TCHH: variants seen among roughly 807,000 people sequenced by gnomAD.
TCHH encodes the protein trichohyalin.
Under a neutral mutation model 6.3 loss-of-function variants are expected in TCHH, and 6 were observed. That is an observed-to-expected ratio of 0.95 (90% CI 0.52 to 1.88). TCHH has a LOEUF of 1.88. Ranked by LOEUF, TCHH falls within the 40% of genes most tolerant of loss-of-function variation. The probability of loss-of-function intolerance (pLI) is 0.01; values close to 1 mark genes in which losing one functional copy is unlikely to be tolerated. For synonymous variants in TCHH, 1,087 were observed against 963.6 expected (o/e 1.13, Z -2.37); for missense variants, 2,920 against 2,449.1 (o/e 1.19, Z -4.06).
chr1:152,107,153 T>G lies in TCHH; in HGVS notation c.*232A>C, dbSNP rs1557807058. On this transcript the variant is annotated 3_prime_UTR_variant, in exon 3 of 3. Transcript: ENST00000614923. ...TTTTTAAATGCACACCACATCTGCATCAAAGAGCAAAAGAAAGACATCTTG... is the reference window on the plus strand; with the variant it reads ...TTTTTAAATGCACACCACATCTGCAGCAAAGAGCAAAAGAAAGACATCTTG... 2.4e-6 allele frequency: 1 copy of G among 422,640 alleles called. No homozygotes were observed. Among genetic ancestry groups the G allele is most frequent in the Non-Finnish European group, 4.2e-6 (1 of 240,836 alleles). 26.2% of individuals were successfully genotyped at this position (422,640 alleles called of 1,614,324 possible).
chr1:152,110,534 G>A lies in TCHH; in HGVS notation c.2683C>T (p.Leu895=), dbSNP rs1327008299. Residue 895 remains leucine (L), a synonymous_variant, in exon 3 of 3, where the codon CTA becomes TTA. Coordinates refer to ENST00000614923, the MANE Select transcript of TCHH (RefSeq NM_007113.4). ...TGTTCCTTCCTCAGCTGCTCTTGTA[G>A]GGCTGGCTTGGCGTACAGCGTGTGG... is the stretch of plus-strand genomic sequence containing the variant. ...RRHTLYAKPA[L]QEQLRKEQQL... is the part of the protein sequence containing the mutation. 10 of 1,613,940 alleles carry A rather than the reference G, an allele frequency of 6.2e-6. No homozygotes were observed. Among genetic ancestry groups the A allele is most frequent in the African/African-American group, 5.3e-5 (4 of 74,876 alleles).
At position 152,112,720 on chromosome 1, in the gene TCHH, C is replaced by G. The variant is rs754037142; in HGVS notation, c.497G>C (p.Arg166Thr). The change falls in exon 3 of 3, where the codon AGG becomes ACG. Residue 166 changes from arginine to threonine, a missense_variant. Arg to Thr is a moderately conservative substitution (Grantham distance 71). Coordinates refer to ENST00000614923, the MANE Select transcript of TCHH (RefSeq NM_007113.4). ...EKQERLEQRD[R>T]QRRDEELWRQ... ...CCACAGCTCCTCGTCGCGGCGCTGC[C>G]TGTCGCGCTGTTCAAGTCGCTCTTG... 6.8e-6 allele frequency: 11 copies of G among 1,614,018 alleles called. No individual in the cohort carries two copies. The East Asian group carries it at 2.2e-4, about 33-fold the overall frequency.
rs536655370 is a variant in TCHH, at chr1:152,107,663, C to T, written c.5554G>A (p.Ala1852Thr). The change falls in exon 3 of 3, where the codon GCC becomes ACC. Residue 1852 changes from alanine (A) to threonine (T), a missense_variant. By Grantham distance (58) the Ala-to-Thr change is moderately conservative (BLOSUM62 0). Transcript: ENST00000614923. ...TCACGACGACTCTTCTCCTGCGTGG[C>T]AAACTGCTCCTCCGCCCGGTACTGC... The part of the protein sequence containing the change: ...DRQYRAEEQF[A>T]TQEKSRREEQ... The T allele has an allele frequency of 3.8e-5, 61 of 1,614,168 alleles. No homozygotes were observed. The East Asian group carries it at 1.1e-3, about 29-fold the overall frequency.
chr1:152,111,907 TTCTGCTCGTGCC>T lies in TCHH; in HGVS notation c.1298_1309del (p.Arg433_Gln436del), dbSNP rs771182487. The T allele has an allele frequency of 1.1e-5, 17 of 1,590,482 alleles. No individual in the cohort carries two copies. Among genetic ancestry groups the T allele is most frequent in the Non-Finnish European group, 6.0e-6 (7 of 1,173,076 alleles). On this transcript the variant is annotated inframe_deletion, in exon 3 of 3. Transcript: ENST00000614923. ...CTGCTCGCGCCTCTCCTGCTCGTGCTTCTGCTCGTGCCTCTCCTCCTCCTGCTCGCGCCTCAG... is the reference window on the plus strand; with the variant it reads ...CTGCTCGCGCCTCTCCTGCTCGTGCTTCTCCTCCTCCTGCTCGCGCCTCAG...
Position 152,107,241 on chromosome 1 carries a change from G to C in TCHH, c.*144C>G. 1 of 879,412 alleles carries C rather than the reference G, an allele frequency of 1.1e-6. No homozygotes were observed. Among genetic ancestry groups the C allele is most frequent in the Non-Finnish European group, 1.7e-6 (1 of 586,342 alleles). The allele number at this position is 879,412 out of a possible 1,614,324, so 54.5% of individuals were successfully genotyped here. On this transcript the variant is annotated 3_prime_UTR_variant, in exon 3 of 3. Transcript: ENST00000614923. ...GTACAAAGTGCGTAAAATGAGCGTA[G>C]TTTAAGATTTTGGAAGAAAAGACAT...
chr1:152,112,618 T>G lies in TCHH; in HGVS notation c.599A>C (p.Glu200Ala). The stretch of plus-strand genomic sequence containing the variant: ...CTCTTCGTCTGGAAACTCCTCAGTT[T>G]CGTGACCTTTGCAACTCTGCAGCTG... ...EEQLQSCKGH[E>A]TEEFPDEEQL... is the part of the protein sequence containing the mutation. The change falls in exon 3 of 3, where the codon GAA becomes GCA. Residue 200 changes from glutamate (E) to alanine (A), a missense_variant. Coordinates refer to ENST00000614923, the MANE Select transcript of TCHH (RefSeq NM_007113.4). 1 of 1,613,558 alleles carries G rather than the reference T, an allele frequency of 6.2e-7. No homozygotes were observed. Among genetic ancestry groups the G allele is most frequent in the Non-Finnish European group, 8.5e-7 (1 of 1,179,942 alleles).
intron 1 of TCHH, 76 bp downstream of exon 1, chr1:152,115,315 C>G (rs1159573950): frequency 1.3e-5 from 2 of 152,200 alleles, no homozygotes; most frequent in Admixed American, 1.3e-4. Flanking sequence ...AACCTCCCCC[C>G]ATATCCCAAC....
chr1:152,108,385 T>C lies in TCHH; in HGVS notation c.4832A>G (p.Gln1611Arg), dbSNP rs972673432. ...EQQLRRQEGQQQLRQERDRKF... is the reference protein window; with the variant it reads ...EQQLRRQEGQRQLRQERDRKF... ...TCTGTCGCGCTCCTGGCGCAGCTGT[T>C]GTTGGCCCTCCTGGCGGCGCAGCTG... The change falls in exon 3 of 3, where the codon CAA becomes CGA. Residue 1611 changes from glutamine to arginine, a missense_variant. Transcript: ENST00000614923. 2 of 1,606,970 alleles carry C rather than the reference T, an allele frequency of 1.2e-6. No homozygotes were observed. Among genetic ancestry groups the C allele is most frequent in the Admixed American group, 1.7e-5 (1 of 59,532 alleles).
In TCHH at chr1:152,107,639, C is replaced by A. The variant is rs1480209633; in HGVS notation, c.5578G>T (p.Glu1860Ter). 2.5e-6 allele frequency: 4 copies of A among 1,614,022 alleles called. No homozygotes were observed. The highest frequency in any genetic ancestry group is 3.4e-6 in the Non-Finnish European group (4 of 1,180,044). The change falls in exon 3 of 3, where the codon GAG (glutamate) becomes TAG (stop). Residue 1860 changes from glutamate to a stop codon, truncating the protein, a stop_gained. Coordinates refer to ENST00000614923, the MANE Select transcript of TCHH (RefSeq NM_007113.4). LOFTEE classifies it low-confidence loss of function (END_TRUNC). Reference sequence around the variant, plus strand: ...TCTTCTTGCCATAGTTCTTGTTCCTCACGACGACTCTTCTCCTGCGTGGCA... The same window carrying A: ...TCTTCTTGCCATAGTTCTTGTTCCTAACGACGACTCTTCTCCTGCGTGGCA... Reference protein sequence around the residue: ...QFATQEKSRREEQELWQEEEQ... With the variant: ...QFATQEKSRR
chr1:152,108,674 T>G lies in TCHH; in HGVS notation c.4543A>C (p.Arg1515=). The G allele has an allele frequency of 6.2e-7, 1 of 1,607,750 alleles. No individual in the cohort carries two copies. Among genetic ancestry groups the G allele is most frequent in the Non-Finnish European group, 8.5e-7 (1 of 1,179,044 alleles). The part of the protein sequence containing the change: ...EQELRSQEPE[R]KFLEEEQQLH... ...TGCTGTTCCTCCTCGAGGAATTTTC[T>G]CTCTGGTTCCTGACTGCGCAGTTCC... The change falls in exon 3 of 3, where the codon AGA becomes CGA. Residue 1515 remains arginine, a synonymous_variant. Coordinates refer to ENST00000614923, the MANE Select transcript of TCHH (RefSeq NM_007113.4).
At position 152,111,137 on chromosome 1, in the gene TCHH, G is replaced by A. The variant is rs200945586; in HGVS notation, c.2080C>T (p.Arg694Trp). The A allele has an allele frequency of 1.5e-5, 24 of 1,613,710 alleles. No individual in the cohort carries two copies. The Admixed American group carries it at 2.7e-4, about 18-fold the overall frequency. The change falls in exon 3 of 3, where the codon CGG becomes TGG. Residue 694 changes from arginine (R) to tryptophan (W), a missense_variant. Physicochemically the swap from Arg to Trp is moderately radical, Grantham distance 101. Coordinates refer to ENST00000614923, the MANE Select transcript of TCHH (RefSeq NM_007113.4). ...ELAEEEQEQARERIKSRIPKW... is the reference protein window; with the variant it reads ...ELAEEEQEQAWERIKSRIPKW... ...GGGATGCGGCTCTTAATCCGCTCCCGGGCCTGTTCCTGCTCCTCCTCAGCT... is the reference window on the plus strand; with the variant it reads ...GGGATGCGGCTCTTAATCCGCTCCCAGGCCTGTTCCTGCTCCTCCTCAGCT...
Position 152,107,688 on chromosome 1 carries a change from C to T in TCHH, c.5529G>A (p.Arg1843=). 3 of 1,614,184 alleles carry T rather than the reference C, an allele frequency of 1.9e-6. No homozygotes were observed. Among genetic ancestry groups the T allele is most frequent in the Non-Finnish European group, 2.5e-6 (3 of 1,180,048 alleles). ...CAAACTGCTCCTCCGCCCGGTACTG[C>T]CGGTCTCGCTCCTGCCGCAGCCTCT... is the stretch of plus-strand genomic sequence containing the variant. ...QEQRLRQERD[R]QYRAEEQFAT... The change falls in exon 3 of 3, where the codon CGG becomes CGA. Residue 1843 remains arginine (R), a synonymous_variant. Transcript: ENST00000614923.
Position 152,110,868 on chromosome 1 carries a change from C to T in TCHH, c.2349G>A (p.Arg783=). 1.2e-6 allele frequency: 2 copies of T among 1,610,550 alleles called. No individual in the cohort carries two copies. The highest frequency in any genetic ancestry group is 2.2e-5 in the East Asian group (1 of 44,828). The change falls in exon 3 of 3, where the codon AGG becomes AGA. Residue 783 remains arginine, a synonymous_variant. Coordinates refer to ENST00000614923, the MANE Select transcript of TCHH (RefSeq NM_007113.4). The stretch of plus-strand genomic sequence containing the variant: ...CCCGCAATGGGGGCCTGGCCGACAG[C>T]CTCTGACGGCCCCTCTCGCTCTTTT... The part of the protein sequence containing the change: ...AEEKSERGRQ[R]LSARPPLREQ...
At position 152,110,309 on chromosome 1, in the gene TCHH, C is replaced by A; in HGVS notation, c.2908G>T (p.Glu970Ter). The change falls in exon 3 of 3, where the codon GAA becomes TAA. Residue 970 changes from glutamate (E) to a stop codon, truncating the protein, a stop_gained. Coordinates refer to ENST00000614923, the MANE Select transcript of TCHH (RefSeq NM_007113.4). LOFTEE classifies it low-confidence loss of function (END_TRUNC). ...YRKDKKLQQK[E>*]EQLLGEEPEK... is the part of the protein sequence containing the mutation. ...GGTTCCTCTCCCAGCAGCTGCTCTT[C>A]CTTCTGCTGCAGCTTCTTATCCTTC... 1 of 1,610,938 alleles carries A rather than the reference C, an allele frequency of 6.2e-7. No homozygotes were observed. The highest frequency in any genetic ancestry group is 8.5e-7 in the Non-Finnish European group (1 of 1,178,600).
rs1288968596 is a variant in TCHH at position 152,108,025 on chromosome 1, A to T, written c.5192T>A (p.Leu1731Gln). The change falls in exon 3 of 3, where the codon CTG (leucine) becomes CAG (glutamine). Residue 1731 changes from leucine (L) to glutamine (Q), a missense_variant. Leu to Gln is a moderately radical substitution (Grantham distance 113). Transcript: ENST00000614923. ...LERKFREEEQ[L>Q]RQETEQEQLR... ...CTGCTCTTGCTCCGTTTCTTGGCGC[A>T]GCTGTTCCTCCTCACGGAATTTTCT... 14 of 1,610,982 alleles carry T rather than the reference A, an allele frequency of 8.7e-6. No individual in the cohort carries two copies. The highest frequency in any genetic ancestry group is 1.1e-5 in the Non-Finnish European group (13 of 1,179,366).
Position 152,112,216 on chromosome 1 carries a change from C to T in TCHH, c.1001G>A (p.Arg334Lys), listed in dbSNP as rs768415160. 3.2e-6 allele frequency: 5 copies of T among 1,586,074 alleles called. No homozygotes were observed. In the South Asian group the frequency reaches 3.3e-5, roughly 11 times the overall value. The change falls in exon 3 of 3, where the codon AGG becomes AAG. Residue 334 changes from arginine to lysine, a missense_variant. Transcript: ENST00000614923. Reference protein sequence around the residue: ...QQERREQQEERREQQLRREQE... With the variant: ...QQERREQQEEKREQQLRREQE... The stretch of plus-strand genomic sequence containing the variant: ...CTCGCGCCTCAGCTGCTGCTCGCGC[C>T]TCTCCTCCTGCTGCTCGCGCCTCTC...
At chr1:152,114,323 A>G (rs961994433) in intron 1 of TCHH, among the ~76,000 whole-genome samples, 2 of 152,230 alleles carry the variant, frequency 1.3e-5, no homozygotes, top group Admixed American at 1.3e-4. Context: ...TCTTCAGACT[A>G]TCCTGTTGTC....
rs1432232982 is a variant in TCHH at position 152,108,527 on chromosome 1, G to A, written c.4690C>T (p.Arg1564Cys). 2 of 1,601,996 alleles carry A rather than the reference G, an allele frequency of 1.2e-6. No individual in the cohort carries two copies. The highest frequency in any genetic ancestry group is 1.7e-6 in the Non-Finnish European group (2 of 1,177,326). Residue 1564 changes from arginine (R) to cysteine (C), a missense_variant, in exon 3 of 3, where the codon CGC becomes TGC. Physicochemically the swap from Arg to Cys is radical, Grantham distance 180. Transcript: ENST00000614923. ...DRKFREEEQL[R>C]QEREEQQLSR... ...AGCTGCTGTTCCTCCCTCTCCTGGCGCAGCTGTTCCTCCTCGCGGAATTTT... is the reference window on the plus strand; with the variant it reads ...AGCTGCTGTTCCTCCCTCTCCTGGCACAGCTGTTCCTCCTCGCGGAATTTT...
chr1:152,113,497 A>G (rs1658440268), intron 2 of TCHH, among the ~76,000 whole-genome samples: 1 of 152,246 alleles, frequency 6.6e-6, no homozygotes, highest in Non-Finnish European at 1.5e-5. Context: ...TCCTTGAGAG[A>G]GATACAATAG....
Sources: gnomAD v4.1 joint callset for allele counts (sites outside exome capture counted in the v4.1 genomes callset) on GRCh38, gnomAD v4.1.1 for gene constraint, MANE v1.5 for transcripts, NCBI Gene and HGNC (gene_info 2026-07-23, HGNC 2026-07-21) for gene names.